RUNX1T1: variants seen among roughly 807,000 people sequenced by gnomAD.
RUNX1T1 encodes the protein RUNX1 partner transcriptional co-repressor 1.
In RUNX1T1, 4 loss-of-function variants were observed where a neutral mutation model predicts 62.8. The ratio of observed to expected loss-of-function variants is 0.06; its 90% CI spans 0.03 to 0.15. The LOEUF is 0.15. Ranked by LOEUF, RUNX1T1 falls within the 10% of genes least tolerant of loss-of-function variation. The probability of loss-of-function intolerance (pLI) is 1.00; values close to 1 mark genes in which losing one functional copy is unlikely to be tolerated. For synonymous variants in RUNX1T1, 291 were observed against 286.0 expected, an observed-to-expected ratio of 1.02 and a Z score of -0.18; for missense variants, 508 against 754.3, an observed-to-expected ratio of 0.67 and a Z score of 3.82.
At chr8:92,085,582 G>A (rs1168623721) in intron 1 of RUNX1T1, among the ~76,000 whole-genome samples, 16 of 152,104 alleles carry the variant, frequency 1.1e-4, no homozygotes, top group Admixed American at 5.9e-4. Flanking sequence ...ACTACAGAGG[G>A]AGAAGTCTTA....
At chr8:92,066,232 G>A (rs112969944), upstream of RUNX1T1, among the ~76,000 whole-genome samples, 131 of 152,262 alleles carry the variant, frequency 8.6e-4, no homozygotes, top group Middle Eastern at 3.4e-3. Context: ...AGACCCCCCT[G>A]CTCTTAGAGG....
chr8:91,970,567 A>T, intron 10 of RUNX1T1, 91 bp downstream of exon 11: 3 of 1,210,654 alleles, frequency 2.5e-6, no homozygotes, highest in Non-Finnish European at 3.3e-6. Flanking sequence ...TTTTCCAAAT[A>T]TTTATCTAAA....
chr8:91,990,101 C>G (rs1817353584), intron 6 of RUNX1T1, among the ~76,000 whole-genome samples: 1 of 152,090 alleles, frequency 6.6e-6, no homozygotes, highest in Admixed American at 6.5e-5. Flanking sequence ...CACGTGGAGC[C>G]CCTGTTTGCT....
intron 1 of RUNX1T1, among the ~76,000 whole-genome samples, chr8:92,078,108 C>T (rs956335846): frequency 6.6e-6 from 1 of 150,870 alleles, no homozygotes; most frequent in African/African-American, 2.4e-5. Flanking sequence ...CAGTTTCAAA[C>T]AATATACAAT....
At chr8:92,064,640 C>G (rs1173052548), upstream of RUNX1T1, among the ~76,000 whole-genome samples, 1 of 151,964 alleles carries the variant, frequency 6.6e-6, no homozygotes, top group African/African-American at 2.4e-5. Flanking sequence ...TAGTACTATA[C>G]TTATGTTAGA....
chr8:92,047,068 A>T (rs554759080), intron 1 of RUNX1T1, among the ~76,000 whole-genome samples: 1 of 152,250 alleles, frequency 6.6e-6, no homozygotes, highest in South Asian at 2.1e-4. Flanking sequence ...TGTTAAATGG[A>T]TTGGACAGGG....
intron 5 of RUNX1T1, 90 bp downstream of exon 6, chr8:92,005,026 C>T: frequency 8.9e-7 from 1 of 1,120,902 alleles, no homozygotes; most frequent in South Asian, 1.6e-5. Flanking sequence ...ATGACATAGG[C>T]CAGCGGTTTA....
intron 1 of RUNX1T1, among the ~76,000 whole-genome samples, chr8:92,055,654 G>T (rs1045833791): frequency 6.6e-5 from 10 of 152,152 alleles, no homozygotes; most frequent in African/African-American, 2.4e-4. Context: ...AGAATGCCTG[G>T]ATAACTAAAA....
intron 10 of RUNX1T1, among the ~76,000 whole-genome samples, chr8:91,963,587 T>C (rs1563608526): frequency 6.6e-6 from 1 of 152,208 alleles, no homozygotes; most frequent in Non-Finnish European, 1.5e-5. Flanking sequence ...AGCCCCTGAA[T>C]AGTCACAATT....
At chr8:92,090,213 G>A (rs993094391) in intron 1 of RUNX1T1, among the ~76,000 whole-genome samples, 5 of 151,232 alleles carry the variant, frequency 3.3e-5, no homozygotes, top group African/African-American at 1.2e-4. Flanking sequence ...TTCTAATACG[G>A]AGAAAGCTTT....
At chr8:92,071,363 A>G (rs1480403568) in intron 2 of RUNX1T1, 2 of 152,346 alleles carry the variant, frequency 1.3e-5, no homozygotes, top group African/African-American at 4.8e-5. Context: ...CACATAGGAC[A>G]CTATATAATG....
chr8:92,091,214 A>G (rs1446983981), intron 1 of RUNX1T1, among the ~76,000 whole-genome samples: 1 of 152,180 alleles, frequency 6.6e-6, no homozygotes, highest in Non-Finnish European at 1.5e-5. Context: ...CCAAATAGTG[A>G]TTTGCTTTAG....
At chr8:92,084,185 A>T (rs1460233724) in intron 1 of RUNX1T1, among the ~76,000 whole-genome samples, 2 of 150,956 alleles carry the variant, frequency 1.3e-5, no homozygotes, top group African/African-American at 2.4e-5. Context: ...ACCATGGCAC[A>T]TGTATACCTA....
At chr8:91,968,886 T>G (rs1251581942) in intron 10 of RUNX1T1, among the ~76,000 whole-genome samples, 1 of 152,124 alleles carries the variant, frequency 6.6e-6, no homozygotes, top group East Asian at 1.9e-4. Flanking sequence ...ATGATAAAAT[T>G]GAAGCTTTTA....
intron 1 of RUNX1T1, among the ~76,000 whole-genome samples, chr8:92,085,166 A>G (rs1587554135): frequency 6.6e-6 from 1 of 152,218 alleles, no homozygotes; most frequent in East Asian, 1.9e-4. Flanking sequence ...TCTCTTCATC[A>G]CTATACTCGA....
intron 1 of RUNX1T1, among the ~76,000 whole-genome samples, chr8:92,079,099 T>C (rs949039188): frequency 1.3e-5 from 2 of 152,210 alleles, no homozygotes; most frequent in Non-Finnish European, 2.9e-5. Context: ...TCTAGAGAAT[T>C]CTATCAACAT....
intron 1 of RUNX1T1, among the ~76,000 whole-genome samples, chr8:92,081,452 C>A: frequency 6.8e-6 from 1 of 146,024 alleles, no homozygotes. Flanking sequence ...GATCAGTCAA[C>A]AAAACCAAAA....
At chr8:92,052,250 T>C (rs1830357060) in intron 1 of RUNX1T1, among the ~76,000 whole-genome samples, 1 of 152,212 alleles carries the variant, frequency 6.6e-6, no homozygotes, top group Non-Finnish European at 1.5e-5. Flanking sequence ...TAACTGATAT[T>C]ACTGTGAAAT....
At chr8:92,065,618 GGTATT>G (rs1485439332), upstream of RUNX1T1, among the ~76,000 whole-genome samples, 1 of 152,170 alleles carries the variant, frequency 6.6e-6, no homozygotes, top group Admixed American at 6.5e-5. Context: ...AAGGCATTAT[GGTATT>G]GTATGATTCC....
Sources: allele counts gnomAD v4.1 joint callset (sites outside exome capture counted in the v4.1 genomes callset), GRCh38; gene constraint gnomAD v4.1.1; transcripts MANE v1.5; gene names NCBI Gene and HGNC (gene_info 2026-07-23, HGNC 2026-07-21).